CACNG5: variants seen among roughly 807,000 people sequenced by gnomAD.
CACNG5 encodes the protein voltage-dependent calcium channel gamma-5 subunit.
Under a neutral mutation model 24.8 loss-of-function variants are expected in CACNG5, and 18 were observed. That is an observed-to-expected ratio of 0.73 (90% CI 0.50 to 1.08). The LOEUF (loss-of-function observed/expected upper bound fraction) is 1.08. CACNG5 is among the 50% of genes least tolerant of loss of function. CACNG5 has a pLI of 0.00. For synonymous variants in CACNG5, 157 were observed against 149.1 expected (o/e 1.05, Z -0.39); for missense variants, 349 against 367.9 (o/e 0.95, Z 0.42).
chr17:66,875,907 G>A (rs1189098906), intron 1 of CACNG5, among the ~76,000 whole-genome samples: 2 of 152,168 alleles, frequency 1.3e-5, no homozygotes, highest in Non-Finnish European at 2.9e-5. Flanking sequence ...GGCTCTGCCT[G>A]CCCCCTCCAG....
rs141005844 is a variant in CACNG5 at position 66,856,734 on chromosome 17, G to A, written c.-103-20496G>A. On this transcript the variant is annotated intron_variant, in intron 1 of 5. Transcript: ENST00000533854. ...TTTTTTGTATTTTTAGTAGAGACAG[G>A]GTTTCACCATGTTGGCCAGGCTGGT... Among the ~76,000 whole-genome samples, 19 of 152,024 alleles carry A rather than the reference G, an allele frequency of 1.2e-4. 1 individual carries two copies. In the East Asian group the frequency reaches 3.7e-3, roughly 29 times the overall value.
At chr17:66,840,184 G>A (rs1414114393) in intron 1 of CACNG5, among the ~76,000 whole-genome samples, 1 of 152,234 alleles carries the variant, frequency 6.6e-6, no homozygotes, top group Non-Finnish European at 1.5e-5. Flanking sequence ...CCGTGCCAGA[G>A]AGAAGCCAGA....
intron 1 of CACNG5, among the ~76,000 whole-genome samples, chr17:66,845,624 C>T (rs59180737): frequency 0.23 from 34,621 of 151,996 alleles, 4,394 homozygotes; most frequent in South Asian, 0.41. Flanking sequence ...AGCCAACTTG[C>T]CCCCTGCACT....
At chr17:66,882,335 C>G (rs1977171004) in intron 4 of CACNG5, among the ~76,000 whole-genome samples, 1 of 152,056 alleles carries the variant, frequency 6.6e-6, no homozygotes, top group African/African-American at 2.4e-5. Context: ...GTGGGAAATG[C>G]TGAGTTTGAG....
intron 1 of CACNG5, among the ~76,000 whole-genome samples, chr17:66,850,576 A>G (rs1010653262): frequency 4.1e-5 from 6 of 145,494 alleles, no homozygotes; most frequent in South Asian, 2.3e-4. Flanking sequence ...AAGTTCACAT[A>G]TATATATACA....
chr17:66,837,459 G>A (rs1976496445), intron 1 of CACNG5, among the ~76,000 whole-genome samples: 1 of 152,172 alleles, frequency 6.6e-6, no homozygotes, highest in Non-Finnish European at 1.5e-5. Flanking sequence ...CTGGCTCACT[G>A]ACACTTGGCA....
rs953657494 is a variant in CACNG5 at position 66,876,525 on chromosome 17, C to T, written c.-103-705C>T. ...TTTCTCGTTCATTGCTGGCCCCTGC[C>T]GATACAGCGTGCTGAGCAGGTAAGA... is the stretch of plus-strand genomic sequence containing the variant. On this transcript the variant is annotated intron_variant, in intron 1 of 5. Transcript: ENST00000533854. 5.9e-5 allele frequency among the ~76,000 whole-genome samples: 9 copies of T among 152,176 alleles called. No individual in the cohort carries two copies. The East Asian group carries it at 7.7e-4, about 13-fold the overall frequency.
At chr17:66,873,336 G>A (rs1016507310) in intron 1 of CACNG5, among the ~76,000 whole-genome samples, 1 of 152,140 alleles carries the variant, frequency 6.6e-6, no homozygotes, top group African/African-American at 2.4e-5. Context: ...TACATACTCT[G>A]GAAATAGATG....
At chr17:66,837,893 GC>G (rs1289675960) in intron 1 of CACNG5, among the ~76,000 whole-genome samples, 2 of 151,970 alleles carry the variant, frequency 1.3e-5, no homozygotes, top group Non-Finnish European at 2.9e-5. Flanking sequence ...GAAGGGGCAG[GC>G]CTCAGGCAGA....
intron 1 of CACNG5, among the ~76,000 whole-genome samples, chr17:66,871,329 ACTCTGAGTTTT>A (rs755905542): frequency 3.4e-4 from 52 of 152,188 alleles, no homozygotes; most frequent in Non-Finnish European, 4.9e-4. Flanking sequence ...TTATCAAAGC[ACTCTGAGTTTT>A]CTCTGAGCCA....
At chr17:66,839,211 C>T (rs932765293) in intron 1 of CACNG5, among the ~76,000 whole-genome samples, 6 of 151,954 alleles carry the variant, frequency 3.9e-5, no homozygotes, top group East Asian at 1.9e-4. Flanking sequence ...CCACCCGCCT[C>T]GGCTTCCCAA....
intron 1 of CACNG5, among the ~76,000 whole-genome samples, chr17:66,852,999 C>CTCTCT (rs534624133): frequency 0.021 from 3,148 of 151,398 alleles, 34 homozygotes; most frequent in Middle Eastern, 0.058. Context: ...TCTTCTCTTT[C>CTCTCT]TCTCTTCTCT....
intron 1 of CACNG5, among the ~76,000 whole-genome samples, chr17:66,874,731 C>T (rs7207070): frequency 0.062 from 9,365 of 152,112 alleles, 422 homozygotes; most frequent in African/African-American, 0.13. Flanking sequence ...CCACCTTATC[C>T]GAACCATAGC....
At position 66,890,658 on chromosome 17, in the gene CACNG5, T is replaced by C. The variant is rs1006392838; in HGVS notation, c.*5418T>C. On this transcript the variant is annotated 3_prime_UTR_variant, in exon 6 of 6. Coordinates refer to ENST00000533854, the MANE Select transcript of CACNG5 (RefSeq NM_145811.3). The stretch of plus-strand genomic sequence containing the variant: ...GTTTGCATGCGTGGGCTCTCTGTCC[T>C]GCTGGTTCAGAGGCCTGAGTTCTCA... Among the ~76,000 whole-genome samples the C allele has an allele frequency of 6.6e-6, 1 of 152,252 alleles. No individual in the cohort carries two copies. Among genetic ancestry groups the C allele is most frequent in the African/African-American group, 2.4e-5 (1 of 41,462 alleles).
intron 1 of CACNG5, among the ~76,000 whole-genome samples, chr17:66,837,689 A>G (rs946960734): frequency 2.6e-5 from 4 of 152,220 alleles, no homozygotes; most frequent in Admixed American, 2.6e-4. Flanking sequence ...CTTAACATCA[A>G]TGACTTGTTG....
intron 3 of CACNG5, among the ~76,000 whole-genome samples, chr17:66,880,161 C>T (rs1178030158): frequency 6.6e-6 from 1 of 152,200 alleles, no homozygotes; most frequent in Non-Finnish European, 1.5e-5. Flanking sequence ...AGAGCAACCC[C>T]TTGCCCAAGG....
At chr17:66,876,051 C>T (rs774884479) in intron 1 of CACNG5, among the ~76,000 whole-genome samples, 14 of 152,180 alleles carry the variant, frequency 9.2e-5, no homozygotes, top group African/African-American at 2.4e-4. Flanking sequence ...GACAACTCAC[C>T]GGGATCCTGT....
chr17:66,887,063 A>G lies in CACNG5; in HGVS notation c.*1823A>G, dbSNP rs1419644916. ...ACCTCTTTAAAGGCTCTATCTCCAA[A>G]TACAGTCATGTTCTGAGGTACTGAG... is the stretch of plus-strand genomic sequence containing the variant. On this transcript the variant is annotated 3_prime_UTR_variant, in exon 6 of 6. Transcript: ENST00000533854. Among the ~76,000 whole-genome samples the G allele has an allele frequency of 1.3e-5, 2 of 152,218 alleles. 1 individual carries two copies. Among genetic ancestry groups the G allele is most frequent in the South Asian group, 4.1e-4 (2 of 4,832 alleles).
At chr17:66,847,182 G>A (rs1004007872) in intron 1 of CACNG5, among the ~76,000 whole-genome samples, 4 of 152,132 alleles carry the variant, frequency 2.6e-5, no homozygotes, top group Admixed American at 1.3e-4. Context: ...TGTGTACCTG[G>A]CACCCTCTGT....
Sources: gnomAD v4.1 joint callset for allele counts (sites outside exome capture counted in the v4.1 genomes callset) on GRCh38, gnomAD v4.1.1 for gene constraint, MANE v1.5 for transcripts, NCBI Gene and HGNC (gene_info 2026-07-23, HGNC 2026-07-21) for gene names.